Variants in TSPEAR observed in about 807,000 individuals in gnomAD.
TSPEAR encodes the protein thrombospondin type laminin G domain and EAR repeats, also known as thrombospondin-type laminin G domain and EAR repeat-containing protein.
TSPEAR carries 69 observed loss-of-function variants against 71.6 expected under a neutral mutation model. The observed-to-expected ratio is 0.96, with a 90% CI of 0.79 to 1.18. The LOEUF is 1.18. Ranked by LOEUF, TSPEAR falls within the 50% of genes most tolerant of loss-of-function variation. TSPEAR has a pLI of 0.00. For synonymous variants in TSPEAR, 402 were observed against 387.2 expected (o/e 1.04, Z -0.45); for missense variants, 971 against 894.9 (o/e 1.09, Z -1.09).
In TSPEAR at chr21:44,533,937, GC is replaced by G; in HGVS notation, c.304-15del. ...GTACTCGTTCCTCTGTGGAGAGCGG[GC>G]CAGGCTCAGGACGGGGCTGGGGGTA... On this transcript the variant is annotated splice_polypyrimidine_tract_variant and intron_variant, in intron 2 of 11. Transcript: ENST00000323084. 1 of 1,600,208 alleles carries G rather than the reference GC, an allele frequency of 6.2e-7. No homozygotes were observed. Among genetic ancestry groups the G allele is most frequent in the Non-Finnish European group, 8.5e-7 (1 of 1,170,770 alleles).
chr21:44,646,264 C>A (rs1462705926), intron 1 of TSPEAR: 1 of 714,940 alleles, frequency 1.4e-6, no homozygotes, highest in Non-Finnish European at 2.3e-6. Context: ...GATAAACCAG[C>A]ATGAATGATG....
At chr21:44,626,577 CT>C (rs1982798423) in intron 1 of TSPEAR, among the ~76,000 whole-genome samples, 1 of 152,200 alleles carries the variant, frequency 6.6e-6, no homozygotes, top group Non-Finnish European at 1.5e-5. Context: ...GTCCTGCTGC[CT>C]CCCAAGCAAA....
At chr21:44,637,607 T>C in intron 1 of TSPEAR, 1 of 1,613,850 alleles carries the variant, frequency 6.2e-7, no homozygotes, top group Non-Finnish European at 8.5e-7. Flanking sequence ...CGCCTGCCAA[T>C]CAGGCTACAC....
rs1162204476 is a variant in TSPEAR, at chr21:44,612,554, C to T, written c.83-44549G>A. The T allele has an allele frequency of 6.2e-7, 1 of 1,613,926 alleles. No homozygotes were observed. Among genetic ancestry groups the T allele is most frequent in the African/African-American group, 1.3e-5 (1 of 74,902 alleles). Reference sequence around the variant, plus strand: ...CCCATGCTGCCAGCAGTCTAGCTGCCAGTCAGCTTGCTGCACCTTCTCCCC... The same window carrying T: ...CCCATGCTGCCAGCAGTCTAGCTGCTAGTCAGCTTGCTGCACCTTCTCCCC... On this transcript the variant is annotated intron_variant, in intron 1 of 11. Transcript: ENST00000323084. The surrounding 1 kb of genome is among the most constrained non-coding windows in gnomAD (Gnocchi z 4.1).
chr21:44,705,200 T>C (rs936543152), intron 1 of TSPEAR, among the ~76,000 whole-genome samples: 66 of 152,382 alleles, frequency 4.3e-4, no homozygotes, highest in African/African-American at 1.5e-3. Context: ...TAGACACTTA[T>C]CACTTCCCCA....
At position 44,620,138 on chromosome 21, in the gene TSPEAR, C is replaced by T. The variant is rs150456680; in HGVS notation, c.83-52133G>A. On this transcript the variant is annotated intron_variant, in intron 1 of 11. Coordinates refer to ENST00000323084, the MANE Select transcript of TSPEAR (RefSeq NM_144991.3). The stretch of plus-strand genomic sequence containing the variant: ...TCATCAGAAACCATGGAGGCCAGAA[C>T]GCGTTGGGATGACATATTTAACATG... Among the ~76,000 whole-genome samples the T allele has an allele frequency of 4.7e-4, 71 of 152,288 alleles. 1 individual carries two copies. Among genetic ancestry groups the T allele is most frequent in the Admixed American group, 2.5e-3 (38 of 15,292 alleles).
At chr21:44,658,504 T>C (rs1555943062) in intron 1 of TSPEAR, among the ~76,000 whole-genome samples, 2 of 152,194 alleles carry the variant, frequency 1.3e-5, no homozygotes. Flanking sequence ...CTAAAACCCA[T>C]GTGAGCCAAA....
intron 1 of TSPEAR, chr21:44,676,946 C>A: frequency 1.1e-6 from 1 of 903,956 alleles, no homozygotes; most frequent in South Asian, 1.3e-5. Flanking sequence ...TTCAGATCAT[C>A]AGTAGAGAGC....
chr21:44,580,226 G>A lies in TSPEAR; in HGVS notation c.83-12221C>T, dbSNP rs1215319562. The A allele has an allele frequency of 1.2e-6, 2 of 1,614,062 alleles. No individual in the cohort carries two copies. Among genetic ancestry groups the A allele is most frequent in the Non-Finnish European group, 1.7e-6 (2 of 1,179,976 alleles). Reference sequence around the variant, plus strand: ...GCAGGAGGAAGAGGCACAGCAAGTTGGCTGGCAGCTAGACTGCTGGCAGCA... The same window carrying A: ...GCAGGAGGAAGAGGCACAGCAAGTTAGCTGGCAGCTAGACTGCTGGCAGCA... On this transcript the variant is annotated intron_variant, in intron 1 of 11. Transcript: ENST00000323084.
intron 1 of TSPEAR, among the ~76,000 whole-genome samples, chr21:44,590,452 CA>C (rs1979708805): frequency 6.6e-6 from 1 of 152,082 alleles, no homozygotes; most frequent in Non-Finnish European, 1.5e-5. Flanking sequence ...CCGCATGGGG[CA>C]GGGGGGCCCG....
At chr21:44,517,880 C>CA (rs1555913697) in intron 9 of TSPEAR, 1 of 471,152 alleles carries the variant, frequency 2.1e-6, no homozygotes, top group Non-Finnish European at 4.4e-6. Context: ...AGCGCCCTTT[C>CA]AGTCTGATGA....
At chr21:44,653,093 G>A (rs1429566784) in intron 1 of TSPEAR, among the ~76,000 whole-genome samples, 2 of 152,162 alleles carry the variant, frequency 1.3e-5, no homozygotes, top group African/African-American at 4.8e-5. Flanking sequence ...GGGAGGTGGA[G>A]CTTGCAGTGA....
chr21:44,579,637 G>GC (rs1242234886), intron 1 of TSPEAR: 2 of 1,195,438 alleles, frequency 1.7e-6, no homozygotes, highest in African/African-American at 3.1e-5. Context: ...GAGTATGGAG[G>GC]GGGGGGTCAC....
At chr21:44,584,748 G>A (rs1979230802) in intron 1 of TSPEAR, among the ~76,000 whole-genome samples, 1 of 152,296 alleles carries the variant, frequency 6.6e-6, no homozygotes, top group Non-Finnish European at 1.5e-5. Flanking sequence ...GTCTTATATT[G>A]AAGGCTGATG....
In TSPEAR at chr21:44,545,152, T is replaced by C. The variant is rs782056930; in HGVS notation, c.304-11229A>G. ...GGCTAACATGGTGAAACCCCGTCTC[T>C]ACTAAAAATACAAAAATTAGCCGGG... On this transcript the variant is annotated intron_variant, in intron 2 of 11. Transcript: ENST00000323084. Among the ~76,000 whole-genome samples, 49 of 151,818 alleles carry C rather than the reference T, an allele frequency of 3.2e-4. 1 individual carries two copies. The highest frequency in any genetic ancestry group is 7.2e-4 in the Admixed American group (11 of 15,260).
chr21:44,520,414 A>C lies in TSPEAR; in HGVS notation c.1566+1469T>G, dbSNP rs2052711495. On this transcript the variant is annotated intron_variant, in intron 9 of 11. Coordinates refer to ENST00000323084, the MANE Select transcript of TSPEAR (RefSeq NM_144991.3). This position sits in a 1 kb window ranked among gnomAD's most constrained non-coding sequence, Gnocchi z 4.2. ...TGCTCTCCTCGTGCCCTGAACATCC[A>C]CGTAAAGCTGCCCTTCCCCACTGGA... is the stretch of plus-strand genomic sequence containing the variant. 1 of 151,794 alleles carries C rather than the reference A, an allele frequency of 6.6e-6. No individual in the cohort carries two copies. Among genetic ancestry groups the C allele is most frequent in the South Asian group, 2.1e-4 (1 of 4,820 alleles). 9.4% of individuals were successfully genotyped at this position (151,794 alleles called of 1,614,324 possible).
chr21:44,573,877 C>A lies in TSPEAR; in HGVS notation c.83-5872G>T, dbSNP rs782039372. 85 of 1,612,786 alleles carry A rather than the reference C, an allele frequency of 5.3e-5. No individual in the cohort carries two copies. The African/African-American group carries it at 5.8e-4, about 11-fold the overall frequency. ...TGCCCAGAGAGCTGCTGCGAGCCCC[C>A]CTGCTGCGCCCCCAGCTGCTGCGCC... On this transcript the variant is annotated intron_variant, in intron 1 of 11. Coordinates refer to ENST00000323084, the MANE Select transcript of TSPEAR (RefSeq NM_144991.3).
intron 1 of TSPEAR, among the ~76,000 whole-genome samples, chr21:44,581,465 T>C (rs906057693): frequency 1.3e-5 from 2 of 152,196 alleles, no homozygotes; most frequent in Admixed American, 6.5e-5. Context: ...TGTGTCACCA[T>C]TTTTCTGTAG....
At chr21:44,646,543 C>G (rs781794270) in intron 1 of TSPEAR, 4 of 1,612,600 alleles carry the variant, frequency 2.5e-6, no homozygotes, top group Admixed American at 3.3e-5. Flanking sequence ...CTGCTGTGAG[C>G]CCCCCTGCAG....
Sources: gnomAD v4.1 joint callset for allele counts (sites outside exome capture counted in the v4.1 genomes callset) on GRCh38, gnomAD v4.1.1 for gene constraint, Gnocchi (gnomAD v3.1) non-coding constraint, MANE v1.5 for transcripts, NCBI Gene and HGNC (gene_info 2026-07-23, HGNC 2026-07-21) for gene names.